The following NTHL1 variants were observed in gnomAD, a reference collection of about 807,000 sequenced individuals.
NTHL1 encodes the protein nth like DNA glycosylase 1.
In NTHL1, 32 loss-of-function variants were observed where a neutral mutation model predicts 32.3. The ratio of observed to expected loss-of-function variants is 0.99; its 90% CI spans 0.75 to 1.33. The LOEUF (loss-of-function observed/expected upper bound fraction) is 1.33. NTHL1 is among the 40% of genes most tolerant of loss of function. The pLI is 0.00. For synonymous variants in NTHL1, 188 were observed against 176.9 expected (o/e 1.06, Z -0.50); for missense variants, 501 against 414.1 (o/e 1.21, Z -1.82).
At chr16:2,041,006 C>G (rs2084262352) in intron 4 of NTHL1, among the ~76,000 whole-genome samples, 1 of 152,246 alleles carries the variant, frequency 6.6e-6, no homozygotes, top group Non-Finnish European at 1.5e-5. Context: ...CTGGCTCCTG[C>G]TCCCCTCAGC....
Position 2,046,296 on chromosome 16 carries a change from G to A in NTHL1, c.186C>T (p.Gly62=), listed in dbSNP as rs944269320. The part of the protein sequence containing the change: ...KAQRLRVAYE[G]SDSEKGEGAE... ...CCCCCTCACCTTTCTCACTGTCCGA[G>A]CCCTCATAGGCCACACGCAGTCTCT... Residue 62 remains glycine, a synonymous_variant, in exon 2 of 6, where the codon GGC becomes GGT. Transcript: ENST00000651570. The A allele has an allele frequency of 1.2e-6, 2 of 1,613,092 alleles. No individual in the cohort carries two copies. The highest frequency in any genetic ancestry group is 1.7e-6 in the Non-Finnish European group (2 of 1,179,920).
At position 2,044,034 on chromosome 16, in the gene NTHL1, T is replaced by C; in HGVS notation, c.526-308A>G. ...CAAGCAGGCCAGCCGCTCCCAGGAG[T>C]GGGGCTTGGCTGCACCTGCGCCTTC... is the stretch of plus-strand genomic sequence containing the variant. On this transcript the variant is annotated intron_variant, in intron 3 of 5. Transcript: ENST00000651570. This position sits in a 1 kb window ranked among gnomAD's most constrained non-coding sequence, Gnocchi z 5.0. 1 of 453,378 alleles carries C rather than the reference T, an allele frequency of 2.2e-6. No individual in the cohort carries two copies. Among genetic ancestry groups the C allele is most frequent in the South Asian group, 2.2e-5 (1 of 45,132 alleles). 28.1% of individuals were successfully genotyped at this position (453,378 alleles called of 1,614,324 possible).
In NTHL1 at chr16:2,044,955, GTA is replaced by G; in HGVS notation, c.355-157_355-156del. On this transcript the variant is annotated intron_variant, in intron 2 of 5. Transcript: ENST00000651570. This position sits in a 1 kb window ranked among gnomAD's most constrained non-coding sequence, Gnocchi z 5.0. Reference sequence around the variant, plus strand: ...TGTGGGGTGGGGAGGTCTGGTTTGGGTATGTTTGGTCATCTACAACACCAGGA... The same window carrying G: ...TGTGGGGTGGGGAGGTCTGGTTTGGGTGTTTGGTCATCTACAACACCAGGA... 1 of 747,406 alleles carries G rather than the reference GTA, an allele frequency of 1.3e-6. No homozygotes were observed. Among genetic ancestry groups the G allele is most frequent in the South Asian group, 1.9e-5 (1 of 53,356 alleles). 46.3% of individuals were successfully genotyped at this position (747,406 alleles called of 1,614,324 possible).
intron 1 of NTHL1, among the ~76,000 whole-genome samples, chr16:2,046,698 G>A (rs1210449190): frequency 1.3e-5 from 2 of 152,150 alleles, no homozygotes; most frequent in African/African-American, 4.8e-5. Flanking sequence ...CCGGCCGGGC[G>A]CGGTGGATCA....
At chr16:2,047,318 T>A (rs2084472357) in intron 1 of NTHL1, 2 of 277,380 alleles carry the variant, frequency 7.2e-6, no homozygotes, top group East Asian at 1.8e-4. Context: ...AGAGGCACCC[T>A]CCCCCGAGCT....
intron 4 of NTHL1, chr16:2,042,295 C>T (rs538790286): frequency 3.7e-5 from 13 of 348,972 alleles, no homozygotes; most frequent in South Asian, 1.7e-4. Flanking sequence ...TGAGGACAGC[C>T]GCCCAGATAA....
chr16:2,044,150 A>G lies in NTHL1; in HGVS notation c.526-424T>C. On this transcript the variant is annotated intron_variant, in intron 3 of 5. Transcript: ENST00000651570. The surrounding 1 kb of genome is among the most constrained non-coding windows in gnomAD (Gnocchi z 5.0). ...GTGCCTGAGTGGAGAGGGCTATTTAAAACCCATCTGAGAAACTGCGGCCCA... is the reference window on the plus strand; with the variant it reads ...GTGCCTGAGTGGAGAGGGCTATTTAGAACCCATCTGAGAAACTGCGGCCCA... 3.0e-6 allele frequency: 1 copy of G among 329,534 alleles called. No individual in the cohort carries two copies. Among genetic ancestry groups the G allele is most frequent in the South Asian group, 3.0e-5 (1 of 33,592 alleles). The allele number at this position is 329,534 out of a possible 1,614,324, so 20.4% of individuals were successfully genotyped here.
At position 2,043,361 on chromosome 16, in the gene NTHL1, G is replaced by A. The variant is rs749949314; in HGVS notation, c.685+206C>T. On this transcript the variant is annotated intron_variant, in intron 4 of 5. Transcript: ENST00000651570. This position sits in a 1 kb window ranked among gnomAD's most constrained non-coding sequence, Gnocchi z 4.4. ...CGGGGCCTCTCTCAGAGCCCTGCAC[G>A]GAGCAGGTGCTCAGCCCATGTGACC... 8 of 640,632 alleles carry A rather than the reference G, an allele frequency of 1.2e-5. No individual in the cohort carries two copies. The highest frequency in any genetic ancestry group is 3.6e-5 in the African/African-American group (2 of 54,826). The allele number at this position is 640,632 out of a possible 1,614,324, so 39.7% of individuals were successfully genotyped here.
At chr16:2,045,580 G>A (rs1478748029) in intron 2 of NTHL1, among the ~76,000 whole-genome samples, 4 of 152,090 alleles carry the variant, frequency 2.6e-5, no homozygotes. Context: ...GGGGTTACAG[G>A]TGCCTGCCAC....
rs2150948042 is a variant in NTHL1 at position 2,046,386 on chromosome 16, G to T, written c.116-20C>A. On this transcript the variant is annotated intron_variant, in intron 1 of 5. Coordinates refer to ENST00000651570, the MANE Select transcript of NTHL1 (RefSeq NM_002528.7). The stretch of plus-strand genomic sequence containing the variant: ...TCGCTTCTGCAAAAAGCACCACGCA[G>T]TCCCTCTGGTGGGGCCACAGGTGAA... 11 of 1,597,412 alleles carry T rather than the reference G, an allele frequency of 6.9e-6. No individual in the cohort carries two copies. Among genetic ancestry groups the T allele is most frequent in the Non-Finnish European group, 9.4e-6 (11 of 1,169,938 alleles).
At chr16:2,047,536 C>T in intron 1 of NTHL1, 173 bp downstream of exon 1, 1 of 1,158,166 alleles carries the variant, frequency 8.6e-7, no homozygotes, top group Non-Finnish European at 1.2e-6. Flanking sequence ...GGACCGCAAT[C>T]TTTGGGAAAA....
At position 2,039,853 on chromosome 16, in the gene NTHL1, G is replaced by A; in HGVS notation, c.*71C>T. On this transcript the variant is annotated 3_prime_UTR_variant, in exon 6 of 6. Transcript: ENST00000651570. The stretch of plus-strand genomic sequence containing the variant: ...CACCAAAGCTTTATTCAACAGGCGT[G>A]GCTTCCTGAAGCGTAAAGCCACTTC... 1.3e-6 allele frequency: 2 copies of A among 1,590,456 alleles called. No individual in the cohort carries two copies. Among genetic ancestry groups the A allele is most frequent in the Non-Finnish European group, 1.7e-6 (2 of 1,174,448 alleles).
rs2084304700 is a variant in NTHL1, at chr16:2,043,916, C to G, written c.526-190G>C. 3.2e-6 allele frequency: 2 copies of G among 634,086 alleles called. No individual in the cohort carries two copies. The highest frequency in any genetic ancestry group is 5.5e-5 in the East Asian group (2 of 36,278). The allele number at this position is 634,086 out of a possible 1,614,324, so 39.3% of individuals were successfully genotyped here. On this transcript the variant is annotated intron_variant, in intron 3 of 5. Transcript: ENST00000651570. This position sits in a 1 kb window ranked among gnomAD's most constrained non-coding sequence, Gnocchi z 4.4. ...CAGGGAGGCCCAAGGTAGGCCTGAC[C>G]CCCTCCTCCCACCCGTGTGGGCCAA...
chr16:2,047,183 A>G (rs2084457978), intron 1 of NTHL1: 1 of 156,600 alleles, frequency 6.4e-6, no homozygotes, highest in South Asian at 1.8e-4. Flanking sequence ...CAGAAGTCCC[A>G]GCGGGACTAG....
Position 2,040,120 on chromosome 16 carries a change from C to T in NTHL1, c.791+13G>A, listed in dbSNP as rs773931134. 6 of 1,613,354 alleles carry T rather than the reference C, an allele frequency of 3.7e-6. No individual in the cohort carries two copies. The highest frequency in any genetic ancestry group is 3.3e-5 in the South Asian group (3 of 91,086). ...GAGCTCTTCTCCCTAGGAAGCCCCC[C>T]ACATACTCATACCTAGGCAGCCACT... On this transcript the variant is annotated intron_variant, in intron 5 of 5. Transcript: ENST00000651570.
Position 2,047,701 on chromosome 16 carries a change from G to T in NTHL1, c.115+8C>A. ...TCCTCCCACGCTCCAGCCACGGCGC[G>T]GCGCTACCTGCTGCAGCCTCTCTTC... On this transcript the variant is annotated splice_region_variant and intron_variant, in intron 1 of 5. Transcript: ENST00000651570. The T allele has an allele frequency of 6.4e-7, 1 of 1,572,638 alleles. No homozygotes were observed. Among genetic ancestry groups the T allele is most frequent in the Non-Finnish European group, 8.6e-7 (1 of 1,166,850 alleles).
intron 4 of NTHL1, chr16:2,042,261 C>A: frequency 2.7e-6 from 1 of 368,674 alleles, no homozygotes; most frequent in Non-Finnish European, 5.4e-6. Flanking sequence ...AACCACGATG[C>A]AGCACCCCAG....
rs2084302836 is a variant in NTHL1 at position 2,043,810 on chromosome 16, G to T, written c.526-84C>A. 1 of 1,508,586 alleles carries T rather than the reference G, an allele frequency of 6.6e-7. No homozygotes were observed. The highest frequency in any genetic ancestry group is 1.7e-5 in the Admixed American group (1 of 57,658). 93.5% of individuals were successfully genotyped at this position (1,508,586 alleles called of 1,614,324 possible). Reference sequence around the variant, plus strand: ...TGCAGCCCCCAGGAGACCCACAGGTGGCCAGAGCTACCTGCACCTGCTGAG... The same window carrying T: ...TGCAGCCCCCAGGAGACCCACAGGTTGCCAGAGCTACCTGCACCTGCTGAG... On this transcript the variant is annotated intron_variant, in intron 3 of 5. Transcript: ENST00000651570. This position sits in a 1 kb window ranked among gnomAD's most constrained non-coding sequence, Gnocchi z 4.4.
Position 2,044,513 on chromosome 16 carries a change from C to A in NTHL1, c.525+117G>T. On this transcript the variant is annotated intron_variant, in intron 3 of 5. Transcript: ENST00000651570. This position sits in a 1 kb window ranked among gnomAD's most constrained non-coding sequence, Gnocchi z 5.0. ...GGCCTGGGGGGGGCTTCAGGGGGAC[C>A]CCCCGAGCCTGAGATGCTTGACCCT... 2.2e-6 allele frequency: 3 copies of A among 1,383,832 alleles called. No individual in the cohort carries two copies. The highest frequency in any genetic ancestry group is 2.0e-6 in the Non-Finnish European group (2 of 994,396). 85.7% of individuals were successfully genotyped at this position (1,383,832 alleles called of 1,614,324 possible).
Sources: gnomAD v4.1 joint callset for allele counts (sites outside exome capture counted in the v4.1 genomes callset) on GRCh38, gnomAD v4.1.1 for gene constraint, Gnocchi (gnomAD v3.1) non-coding constraint, MANE v1.5 for transcripts, NCBI Gene and HGNC (gene_info 2026-07-23, HGNC 2026-07-21) for gene names.